The following MYH11 variants were observed in gnomAD, a reference collection of about 807,000 sequenced individuals.
MYH11 encodes the protein myosin-11.
MYH11 carries 80 observed loss-of-function variants against 246.6 expected under a neutral mutation model. That is an observed-to-expected ratio of 0.32 (90% confidence interval 0.27 to 0.39). The LOEUF is 0.39. Ranked by LOEUF, MYH11 falls within the 10% of genes least tolerant of loss-of-function variation. The pLI, the probability that MYH11 is intolerant of heterozygous loss-of-function variation, is 1.00. For missense variants in MYH11, 2,158 were observed against 2,546.8 expected, an observed-to-expected ratio of 0.85 and a Z score of 3.29; for synonymous variants, 1,071 against 1,015.5, an observed-to-expected ratio of 1.05 and a Z score of -1.04.
At chr16:15,833,034 GCC>G (rs2151376439) in intron 2 of MYH11, among the ~76,000 whole-genome samples, 1 of 124,072 alleles carries the variant, frequency 8.1e-6, no homozygotes, top group South Asian at 2.6e-4. Flanking sequence ...ACAATATCAT[GCC>G]TGTAATCCTA....
chr16:15,838,742 C>A (rs2043972601), intron 1 of MYH11, among the ~76,000 whole-genome samples: 1 of 151,700 alleles, frequency 6.6e-6, no homozygotes, highest in Non-Finnish European at 1.5e-5. Flanking sequence ...CACCTGTAAT[C>A]CCAGCCACTT....
chr16:15,710,543 A>G (rs2039722690), intron 40 of MYH11, among the ~76,000 whole-genome samples: 1 of 151,908 alleles, frequency 6.6e-6, no homozygotes, highest in East Asian at 1.9e-4. Flanking sequence ...AAAAGAAAAG[A>G]AATCACTGGG....
intron 12 of MYH11, among the ~76,000 whole-genome samples, chr16:15,758,456 G>A (rs1012950254): frequency 1.3e-5 from 2 of 152,020 alleles, no homozygotes; most frequent in Non-Finnish European, 2.9e-5. Context: ...GATCACTTGA[G>A]GTCAGGAGTT....
At chr16:15,822,793 C>A (rs1210013865) in intron 3 of MYH11, among the ~76,000 whole-genome samples, 1 of 152,138 alleles carries the variant, frequency 6.6e-6, no homozygotes, top group African/African-American at 2.4e-5. Context: ...TTGGAAAAAC[C>A]AGCATTAACA....
intron 1 of MYH11, among the ~76,000 whole-genome samples, chr16:15,854,719 G>A (rs2044418015): frequency 6.6e-6 from 1 of 152,118 alleles, no homozygotes; most frequent in Non-Finnish European, 1.5e-5. Flanking sequence ...ATTGAACTTG[G>A]TTTTCAAGAA....
intron 10 of MYH11, among the ~76,000 whole-genome samples, chr16:15,761,775 T>G (rs1174613440): frequency 6.6e-6 from 1 of 152,160 alleles, no homozygotes; most frequent in Non-Finnish European, 1.5e-5. Context: ...TTCCTTGGCA[T>G]CCGGATTCCA....
intron 4 of MYH11, 37 bp downstream of exon 4, chr16:15,798,623 A>G: frequency 9.8e-7 from 1 of 1,023,706 alleles, no homozygotes; most frequent in South Asian, 1.9e-5. Flanking sequence ...AAAAAAAAAA[A>G]CAAAAAAAAA....
chr16:15,741,988 GC>G (rs2041288586), intron 20 of MYH11, 97 bp from the exon 21 acceptor site: 54 of 1,528,334 alleles, frequency 3.5e-5, no homozygotes, highest in Admixed American at 5.8e-5. Flanking sequence ...GGACAATGTT[GC>G]CCCCACCGAT....
chr16:15,762,270 T>C (rs1175311504), intron 10 of MYH11, among the ~76,000 whole-genome samples: 2 of 152,206 alleles, frequency 1.3e-5, no homozygotes, highest in Non-Finnish European at 2.9e-5. Context: ...CCACCACGCC[T>C]AGCCTCTTAG....
intron 40 of MYH11, chr16:15,713,486 A>C (rs1202950244): frequency 1.3e-5 from 2 of 152,210 alleles, no homozygotes; most frequent in African/African-American, 4.8e-5. Context: ...TCTGTGGGAA[A>C]AGGTGGAGAG....
chr16:15,743,726 G>C (rs774978665), intron 20 of MYH11, among the ~76,000 whole-genome samples: 11 of 152,174 alleles, frequency 7.2e-5, no homozygotes, highest in Non-Finnish European at 1.5e-4. Flanking sequence ...TATTCATGGA[G>C]GTCAGGGACC....
chr16:15,723,055 T>G (rs2040568678), intron 31 of MYH11, among the ~76,000 whole-genome samples: 2 of 152,162 alleles, frequency 1.3e-5, no homozygotes, highest in South Asian at 4.1e-4. Flanking sequence ...CTCAAACTGA[T>G]TTTTAGAATA....
chr16:15,777,133 G>A (rs969493786), intron 7 of MYH11, among the ~76,000 whole-genome samples: 3 of 126,420 alleles, frequency 2.4e-5, no homozygotes, highest in African/African-American at 1.0e-4. Flanking sequence ...ACACACGCAC[G>A]TATGTTTGAG....
intron 1 of MYH11, among the ~76,000 whole-genome samples, chr16:15,848,216 T>C (rs1298095906): frequency 1.8e-4 from 26 of 146,520 alleles, no homozygotes; most frequent in African/African-American, 2.5e-5. Flanking sequence ...CTAGTAATAA[T>C]AGTTGCTAAG....
At chr16:15,767,611 C>T (rs1332555552) in intron 9 of MYH11, among the ~76,000 whole-genome samples, 4 of 152,110 alleles carry the variant, frequency 2.6e-5, no homozygotes, top group African/African-American at 4.8e-5. Flanking sequence ...CGTGAACCAC[C>T]GCGCCCAGCC....
At chr16:15,789,015 G>A (rs72772066) in intron 4 of MYH11, among the ~76,000 whole-genome samples, 17,107 of 151,908 alleles carry the variant, frequency 0.11, 1,085 homozygotes, top group African/African-American at 0.14. Context: ...TCATTGGGGG[G>A]ATATAGGGGG....
chr16:15,740,242 G>C (rs542582775), intron 22 of MYH11, 54 bp from the exon 23 acceptor site: 126 of 1,612,160 alleles, frequency 7.8e-5, no homozygotes, highest in Non-Finnish European at 8.4e-5. Flanking sequence ...ATTTACTCTC[G>C]TGGTGATCTG....
At chr16:15,846,963 A>C (rs774320226) in intron 1 of MYH11, among the ~76,000 whole-genome samples, 30 of 152,106 alleles carry the variant, frequency 2.0e-4, no homozygotes, top group Non-Finnish European at 3.4e-4. Flanking sequence ...TATAAAAAAT[A>C]TATCCTCTTG....
Position 15,725,500 on chromosome 16 carries a change from T to C in MYH11, c.3859-508A>G. On this transcript the variant is annotated intron_variant, in intron 28 of 40. Transcript: ENST00000300036. ...AAGCCAGAGACGCAGGCCCTAAAGG[T>C]AAAAACGTCCTCTCTGTATTCTCTG... is the stretch of plus-strand genomic sequence containing the variant. 9.4e-6 allele frequency: 4 copies of C among 425,694 alleles called. No homozygotes were observed. In the South Asian group the frequency reaches 2.7e-4, roughly 29 times the overall value. 26.4% of individuals were successfully genotyped at this position (425,694 alleles called of 1,614,324 possible).
Sources: gnomAD v4.1 joint callset for allele counts (sites outside exome capture counted in the v4.1 genomes callset) on GRCh38, gnomAD v4.1.1 for gene constraint, MANE v1.5 for transcripts, NCBI Gene and HGNC (gene_info 2026-07-23, HGNC 2026-07-21) for gene names.